The following AGBL3 variants were observed in gnomAD, a reference collection of about 807,000 sequenced individuals.
AGBL3 encodes AGBL carboxypeptidase 3, also known as cytosolic carboxypeptidase 3.
Under a neutral mutation model 94.5 loss-of-function variants are expected in AGBL3, and 68 were observed. The observed-to-expected ratio is 0.72, with a 90% confidence interval of 0.59 to 0.88. The LOEUF is 0.88. AGBL3 is among the 40% of genes least tolerant of loss of function. AGBL3 has a pLI of 0.00. For synonymous variants in AGBL3, 354 were observed against 370.7 expected (o/e 0.95, Z 0.52); for missense variants, 934 against 1,103.8 (o/e 0.85, Z 2.18).
At chr7:135,019,558 C>G (rs2116257276) in intron 5 of AGBL3, among the ~76,000 whole-genome samples, 1 of 152,070 alleles carries the variant, frequency 6.6e-6, no homozygotes, top group Non-Finnish European at 1.5e-5. Flanking sequence ...CACCTTTTAA[C>G]AAAATTGATT....
chr7:135,034,621 AC>A lies in AGBL3; in HGVS notation c.1035del (p.Leu346Ter), dbSNP rs1563202941. ...RNMVYILTIT[T>X]PLKNSDSRKR... ...CATGGTGTATATTTTAACAATCACT[AC>A]CCCCTTGAAGAACTCTGACTCAAGA... is the stretch of plus-strand genomic sequence containing the variant. On this transcript the variant is annotated frameshift_variant, in exon 7 of 17. Coordinates refer to ENST00000436302, the MANE Select transcript of AGBL3 (RefSeq NM_178563.4). LOFTEE classifies it high-confidence loss of function. 4 of 1,551,416 alleles carry A rather than the reference AC, an allele frequency of 2.6e-6. No individual in the cohort carries two copies. The highest frequency in any genetic ancestry group is 3.5e-6 in the Non-Finnish European group (4 of 1,146,924).
intron 12 of AGBL3, among the ~76,000 whole-genome samples, chr7:135,060,476 G>A (rs1043965032): frequency 6.6e-6 from 1 of 152,024 alleles, no homozygotes; most frequent in African/African-American, 2.4e-5. Flanking sequence ...TCACAATGAT[G>A]CATAATAGAT....
intron 16 of AGBL3, chr7:135,128,356 C>T (rs1437245600): frequency 8.5e-5 from 15 of 177,480 alleles, no homozygotes; most frequent in Non-Finnish European, 2.2e-5. Flanking sequence ...CATTTGTAAA[C>T]TGTCATGGCC....
chr7:135,054,648 A>C (rs1818177622), intron 11 of AGBL3, among the ~76,000 whole-genome samples: 1 of 152,222 alleles, frequency 6.6e-6, no homozygotes, highest in African/African-American at 2.4e-5. Flanking sequence ...TCTTAGCCAA[A>C]AAAGGAAAAT....
chr7:135,076,235 A>C (rs1366585739), intron 12 of AGBL3, among the ~76,000 whole-genome samples, 162 bp from the exon 13 acceptor site: 1 of 152,114 alleles, frequency 6.6e-6, no homozygotes. Context: ...CATCTTTTAG[A>C]GCTTCTTATA....
chr7:135,076,237 C>T (rs973114888), intron 12 of AGBL3, among the ~76,000 whole-genome samples, 160 bp from the exon 13 acceptor site: 1 of 152,170 alleles, frequency 6.6e-6, no homozygotes, highest in Admixed American at 6.5e-5. Flanking sequence ...TCTTTTAGAG[C>T]TTCTTATATG....
At chr7:135,127,675 T>C (rs1217979249) in intron 16 of AGBL3, among the ~76,000 whole-genome samples, 6 of 151,722 alleles carry the variant, frequency 4.0e-5, no homozygotes, top group African/African-American at 1.2e-4. Flanking sequence ...CAAGAAACAA[T>C]AGATGGCTGG....
At chr7:135,060,231 T>G (rs915740788) in intron 12 of AGBL3, among the ~76,000 whole-genome samples, 3 of 152,236 alleles carry the variant, frequency 2.0e-5, no homozygotes, top group Non-Finnish European at 4.4e-5. Context: ...AATGTATCAC[T>G]TCTACATAAT....
rs1485108244 is a variant in AGBL3 at position 135,080,261 on chromosome 7, G to T, written c.2038+1G>T. 1 of 1,547,828 alleles carries T rather than the reference G, an allele frequency of 6.5e-7. No individual in the cohort carries two copies. The highest frequency in any genetic ancestry group is 8.7e-7 in the Non-Finnish European group (1 of 1,143,992). ...ACACAATCAAATTCTGATGTGAAAG[G>T]TAATATTCTGCTTCTACCTTCTCAT... On this transcript the variant is annotated splice_donor_variant, in intron 14 of 16. Coordinates refer to ENST00000436302, the MANE Select transcript of AGBL3 (RefSeq NM_178563.4). LOFTEE classifies it high-confidence loss of function.
At chr7:135,091,361 A>G (rs1471093714) in intron 15 of AGBL3, among the ~76,000 whole-genome samples, 1 of 152,168 alleles carries the variant, frequency 6.6e-6, no homozygotes, top group Non-Finnish European at 1.5e-5. Context: ...CACATACTCA[A>G]GTCCCACAGT....
chr7:135,046,571 G>A (rs1817378779), intron 11 of AGBL3, among the ~76,000 whole-genome samples: 1 of 152,062 alleles, frequency 6.6e-6, no homozygotes, highest in African/African-American at 2.4e-5. Context: ...GAATCACACA[G>A]TATGTGGCCT....
At chr7:135,093,261 T>C (rs1417966528) in intron 15 of AGBL3, 1 of 151,324 alleles carries the variant, frequency 6.6e-6, no homozygotes, top group Non-Finnish European at 1.5e-5. Flanking sequence ...TTGTAGGATA[T>C]ATGTTCTTGT....
At chr7:135,115,882 T>C in intron 16 of AGBL3, 1 of 306,776 alleles carries the variant, frequency 3.3e-6, no homozygotes, top group Non-Finnish European at 6.0e-6. Flanking sequence ...TAAAGTATGA[T>C]TATAGCCTGA....
At chr7:134,990,260 C>T (rs1810062189) in intron 3 of AGBL3, among the ~76,000 whole-genome samples, 2 of 152,212 alleles carry the variant, frequency 1.3e-5, no homozygotes, top group African/African-American at 4.8e-5. Flanking sequence ...TAGATCCTCT[C>T]CTTCCAGGCT....
At chr7:135,082,470 A>G (rs547986647) in intron 15 of AGBL3, among the ~76,000 whole-genome samples, 3 of 152,140 alleles carry the variant, frequency 2.0e-5, no homozygotes, top group African/African-American at 7.2e-5. Flanking sequence ...AATGAAACTG[A>G]ACACAGTATT....
intron 4 of AGBL3, among the ~76,000 whole-genome samples, chr7:135,004,444 T>C (rs1306017754): frequency 6.6e-6 from 1 of 151,716 alleles, no homozygotes; most frequent in East Asian, 1.9e-4. Context: ...TTTAGAATTC[T>C]TTGCTTTAGA....
chr7:135,128,869 T>C (rs1828328091), intron 16 of AGBL3: 1 of 1,281,436 alleles, frequency 7.8e-7, no homozygotes, highest in Admixed American at 1.7e-5. Flanking sequence ...ATCCAGGAAA[T>C]CTTGGACTTT....
chr7:135,135,101 T>C lies in AGBL3; in HGVS notation c.2603T>C (p.Met868Thr). Reference protein sequence around the residue: ...KWETASSSFGMDANVLKYKSL... With the variant: ...KWETASSSFGTDANVLKYKSL... ...GAGACTGCTTCTTCAAGCTTTGGAA[T>C]GGATGCAAATGTTCTAAAATATAAG... is the stretch of plus-strand genomic sequence containing the variant. Residue 868 changes from methionine to threonine, a missense_variant, in exon 17 of 17, where the codon ATG becomes ACG. Around this residue, in one of 3 missense-constraint regions of AGBL3, gnomAD observed 441 missense variants for 518.2 expected, o/e 0.85. Coordinates refer to ENST00000436302, the MANE Select transcript of AGBL3 (RefSeq NM_178563.4). 6.4e-7 allele frequency: 1 copy of C among 1,551,146 alleles called. No homozygotes were observed.
At chr7:135,023,763 C>T (rs547124268) in intron 5 of AGBL3, among the ~76,000 whole-genome samples, 1 of 152,334 alleles carries the variant, frequency 6.6e-6, no homozygotes, top group Admixed American at 6.5e-5. Context: ...CTCCTGCCCG[C>T]TAGCCCTTCC....
Sources: gnomAD v4.1 joint callset for allele counts (sites outside exome capture counted in the v4.1 genomes callset) on GRCh38, gnomAD v4.1.1 for gene constraint, gnomAD v4.1.1 regional missense constraint, MANE v1.5 for transcripts, NCBI Gene and HGNC (gene_info 2026-07-23, HGNC 2026-07-21) for gene names.